The following IQGAP2 variants were observed in gnomAD, a reference collection of about 807,000 sequenced individuals.
The protein encoded by IQGAP2 is ras GTPase-activating-like protein IQGAP2.
Under a neutral mutation model 201.3 loss-of-function variants are expected in IQGAP2, and 173 were observed. The observed-to-expected ratio is 0.86, with a 90% CI of 0.76 to 0.98. The LOEUF (loss-of-function observed/expected upper bound fraction) is 0.98. IQGAP2 is among the 50% of genes least tolerant of loss of function. The pLI, the probability that IQGAP2 is intolerant of heterozygous loss-of-function variation, is 0.00. For missense variants in IQGAP2, 1,687 were observed against 1,864.8 expected, an observed-to-expected ratio of 0.90 and a Z score of 1.76; for synonymous variants, 675 against 673.9, an observed-to-expected ratio of 1.00 and a Z score of -0.03.
At chr5:76,663,716 A>G (rs570495099) in intron 21 of IQGAP2, among the ~76,000 whole-genome samples, 2 of 93,918 alleles carry the variant, frequency 2.1e-5, no homozygotes, top group Admixed American at 1.1e-4. Context: ...TAAAATTTGT[A>G]GAGATGGGGT....
At chr5:76,537,118 A>G (rs1443290215) in intron 2 of IQGAP2, among the ~76,000 whole-genome samples, 1 of 152,238 alleles carries the variant, frequency 6.6e-6, no homozygotes, top group Non-Finnish European at 1.5e-5. Context: ...TAGAAAAAAG[A>G]TCTTATGCTT....
Position 76,600,826 on chromosome 5 carries a change from C to T in IQGAP2, c.1086C>T (p.His362=), listed in dbSNP as rs908749483. ...QKQNTMNYLA[H]EELLIAVEML... is the part of the protein sequence containing the mutation. ...TTTTCCAACAGAACTACTTGGCCCACGAGGAGCTTTTGATTGCTGTGGAAA... is the reference window on the plus strand; with the variant it reads ...TTTTCCAACAGAACTACTTGGCCCATGAGGAGCTTTTGATTGCTGTGGAAA... Residue 362 remains histidine (H), a synonymous_variant, in exon 11 of 36, where the codon CAC becomes CAT. Transcript: ENST00000274364. The T allele has an allele frequency of 3.0e-5, 48 of 1,613,936 alleles. No homozygotes were observed. Among genetic ancestry groups the T allele is most frequent in the Non-Finnish European group, 3.9e-5 (46 of 1,179,974 alleles).
At chr5:76,475,357 G>A (rs116114503) in intron 2 of IQGAP2, among the ~76,000 whole-genome samples, 1,847 of 152,270 alleles carry the variant, frequency 0.012, 37 homozygotes, top group African/African-American at 0.043. Flanking sequence ...AAAAGAATGG[G>A]GTAACTATGC....
At chr5:76,427,312 C>T (rs907370770) in intron 1 of IQGAP2, among the ~76,000 whole-genome samples, 1 of 152,136 alleles carries the variant, frequency 6.6e-6, no homozygotes, top group Admixed American at 6.5e-5. Flanking sequence ...GGCCAAGCTC[C>T]CACCTTAAGC....
In IQGAP2 at chr5:76,698,092, C is replaced by G; in HGVS notation, c.4312C>G (p.Gln1438Glu). ...CAAGAAGGCAGCATTTTATGAAGAGCAAATCAATTATTATGACACCTACAT... is the reference window on the plus strand; with the variant it reads ...CAAGAAGGCAGCATTTTATGAAGAGGAAATCAATTATTATGACACCTACAT... ...LNKKAAFYEEQINYYDTYIKT... is the reference protein window; with the variant it reads ...LNKKAAFYEEEINYYDTYIKT... Residue 1438 changes from glutamine to glutamate, a missense_variant, in exon 33 of 36, where the codon CAA (glutamine) becomes GAA (glutamate). Gln to Glu is a conservative substitution (Grantham distance 29). Coordinates refer to ENST00000274364, the MANE Select transcript of IQGAP2 (RefSeq NM_006633.5). 1 of 1,611,398 alleles carries G rather than the reference C, an allele frequency of 6.2e-7. No homozygotes were observed. The highest frequency in any genetic ancestry group is 8.5e-7 in the Non-Finnish European group (1 of 1,177,722).
intron 21 of IQGAP2, among the ~76,000 whole-genome samples, chr5:76,659,447 AG>A (rs1238653033): frequency 2.0e-5 from 3 of 152,240 alleles, no homozygotes; most frequent in Non-Finnish European, 2.9e-5. Context: ...CAAATGAGGC[AG>A]GAACTCATTT....
At chr5:76,535,377 A>G (rs567527588) in intron 2 of IQGAP2, among the ~76,000 whole-genome samples, 3 of 152,358 alleles carry the variant, frequency 2.0e-5, no homozygotes, top group African/African-American at 7.2e-5. Context: ...AAGGTATGGT[A>G]TAAAATGAAA....
At position 76,671,956 on chromosome 5, in the gene IQGAP2, A is replaced by G; in HGVS notation, c.3041A>G (p.Gln1014Arg). 6.2e-7 allele frequency: 1 copy of G among 1,613,922 alleles called. No homozygotes were observed. Among genetic ancestry groups the G allele is most frequent in the Non-Finnish European group, 8.5e-7 (1 of 1,179,834 alleles). Reference protein sequence around the residue: ...PVEVYKAWVNQLETQTGEASK... With the variant: ...PVEVYKAWVNRLETQTGEASK... Reference sequence around the variant, plus strand: ...GAGGTGTACAAGGCTTGGGTGAACCAACTAGAAACACAGACTGGAGAGGCC... The same window carrying G: ...GAGGTGTACAAGGCTTGGGTGAACCGACTAGAAACACAGACTGGAGAGGCC... Residue 1014 changes from glutamine (Q) to arginine (R), a missense_variant, in exon 24 of 36, where the codon CAA (glutamine) becomes CGA (arginine). Coordinates refer to ENST00000274364, the MANE Select transcript of IQGAP2 (RefSeq NM_006633.5).
intron 1 of IQGAP2, among the ~76,000 whole-genome samples, chr5:76,450,043 T>G (rs1753634844): frequency 6.6e-6 from 1 of 152,218 alleles, no homozygotes; most frequent in Admixed American, 6.5e-5. Context: ...TTTTCTAAAC[T>G]TGGGACCATT....
chr5:76,485,296 A>T (rs1272898727), intron 2 of IQGAP2, among the ~76,000 whole-genome samples: 2 of 152,174 alleles, frequency 1.3e-5, no homozygotes, highest in Non-Finnish European at 2.9e-5. Context: ...AGCTCTTTTG[A>T]CACATAAAGA....
At chr5:76,415,422 G>C (rs2150074940) in intron 1 of IQGAP2, among the ~76,000 whole-genome samples, 1 of 152,308 alleles carries the variant, frequency 6.6e-6, no homozygotes, top group South Asian at 2.1e-4. Context: ...TAACAGTTGA[G>C]TTGGAAAAAT....
intron 17 of IQGAP2, among the ~76,000 whole-genome samples, chr5:76,647,596 C>A (rs959218344): frequency 1.3e-5 from 2 of 152,118 alleles, no homozygotes; most frequent in African/African-American, 2.4e-5. Flanking sequence ...TAAGAAGTGC[C>A]TTTTGCCTTC....
chr5:76,582,402 C>T lies in IQGAP2; in HGVS notation c.459-6504C>T, dbSNP rs77213708. On this transcript the variant is annotated intron_variant, in intron 5 of 35. Coordinates refer to ENST00000274364, the MANE Select transcript of IQGAP2 (RefSeq NM_006633.5). Reference sequence around the variant, plus strand: ...GTCATTCATTTCACAGATAAGGGAACTGAAAGCTTGGGTTACGTGACTTGC... The same window carrying T: ...GTCATTCATTTCACAGATAAGGGAATTGAAAGCTTGGGTTACGTGACTTGC... Among the ~76,000 whole-genome samples, 759 of 152,310 alleles carry T rather than the reference C, an allele frequency of 5.0e-3. 6 individuals carry two copies. The highest frequency in any genetic ancestry group is 0.017 in the African/African-American group (692 of 41,562).
chr5:76,551,654 A>ACCAGC (rs140425996), intron 2 of IQGAP2, among the ~76,000 whole-genome samples: 74,984 of 151,412 alleles, frequency 0.5, 19,382 homozygotes, highest in African/African-American at 0.65. Flanking sequence ...AGAGCTGGAG[A>ACCAGC]CCAGCCCAGC....
chr5:76,518,628 C>T (rs1580368824), intron 2 of IQGAP2, among the ~76,000 whole-genome samples: 3 of 152,202 alleles, frequency 2.0e-5, no homozygotes, highest in South Asian at 2.1e-4. Context: ...TAAGTAATGG[C>T]GGTTCTTCTG....
In IQGAP2 at chr5:76,652,527, T is replaced by G. The variant is rs139670730; in HGVS notation, c.2095-223T>G. The stretch of plus-strand genomic sequence containing the variant: ...GCTTCTCCATGTAATTTATCACCCT[T>G]ACTCTGCTGTCCTAAGCTTAGAACT... On this transcript the variant is annotated intron_variant, in intron 17 of 35. Transcript: ENST00000274364. Among the ~76,000 whole-genome samples the G allele has an allele frequency of 8.0e-4, 122 of 152,326 alleles. No individual in the cohort carries two copies. In the East Asian group the frequency reaches 0.023, roughly 28 times the overall value.
chr5:76,480,235 G>A (rs150167772), intron 2 of IQGAP2, among the ~76,000 whole-genome samples: 65 of 152,164 alleles, frequency 4.3e-4, no homozygotes, highest in African/African-American at 1.6e-3. Flanking sequence ...GTCCTCTGAG[G>A]GATAAGGCAC....
rs150549730 is a variant in IQGAP2, at chr5:76,524,648, G to A, written c.147-37748G>A. On this transcript the variant is annotated intron_variant, in intron 2 of 35. Coordinates refer to ENST00000274364, the MANE Select transcript of IQGAP2 (RefSeq NM_006633.5). ...ATAAGAGTTGAACAAGCCAAAGGAA[G>A]AAATGATATCATGGCCTAGTTGAAT... Among the ~76,000 whole-genome samples the A allele has an allele frequency of 9.2e-5, 14 of 152,294 alleles. No homozygotes were observed. The South Asian group carries it at 2.7e-3, about 29-fold the overall frequency.
chr5:76,608,532 A>G (rs1747990301), intron 12 of IQGAP2, among the ~76,000 whole-genome samples: 1 of 152,154 alleles, frequency 6.6e-6, no homozygotes, highest in African/African-American at 2.4e-5. Context: ...AGGAGCTGAG[A>G]ATTTTTCATG....
Sources: gnomAD v4.1 joint callset for allele counts (sites outside exome capture counted in the v4.1 genomes callset) on GRCh38, gnomAD v4.1.1 for gene constraint, MANE v1.5 for transcripts, NCBI Gene and HGNC (gene_info 2026-07-23, HGNC 2026-07-21) for gene names.